BMERB1: variants seen among roughly 807,000 people sequenced by gnomAD.
BMERB1 encodes the protein bMERB domain containing 1.
BMERB1 carries 12 observed loss-of-function variants against 23.6 expected under a neutral mutation model. The observed-to-expected ratio is 0.51, with a 90% CI of 0.33 to 0.82. The LOEUF is 0.82. Among genes scored for constraint, BMERB1 ranks in the 40% least tolerant of loss-of-function variants. The pLI is 0.03. For missense variants in BMERB1, 247 were observed against 255.4 expected, an observed-to-expected ratio of 0.97 and a Z score of 0.22; for synonymous variants, 122 against 96.6, an observed-to-expected ratio of 1.26 and a Z score of -1.54.
chr16:15,523,511 C>T (rs1476671628), intron 2 of BMERB1, among the ~76,000 whole-genome samples: 3 of 152,140 alleles, frequency 2.0e-5, no homozygotes, highest in Non-Finnish European at 2.9e-5. Context: ...TTAAAGCGAC[C>T]ATGCCCTTCC....
intron 1 of BMERB1, among the ~76,000 whole-genome samples, chr16:15,513,881 G>A (rs892118852): frequency 4.6e-5 from 7 of 151,764 alleles, no homozygotes; most frequent in South Asian, 2.1e-4. Flanking sequence ...GCAACAGGGC[G>A]AGACTCCGTC....
chr16:15,580,125 C>A (rs910580262), intron 3 of BMERB1, among the ~76,000 whole-genome samples: 5 of 149,620 alleles, frequency 3.3e-5, no homozygotes, highest in African/African-American at 1.2e-4. Context: ...GAGACAGGGT[C>A]TTTCTCTGTT....
chr16:15,458,841 T>C (rs1189569721), intron 1 of BMERB1, among the ~76,000 whole-genome samples: 1 of 151,770 alleles, frequency 6.6e-6, no homozygotes, highest in Non-Finnish European at 1.5e-5. Flanking sequence ...GTGCGGTGGC[T>C]CACGCCTGTA....
intron 1 of BMERB1, chr16:15,502,437 A>G: frequency 7.5e-7 from 1 of 1,338,362 alleles, no homozygotes; most frequent in Non-Finnish European, 1.0e-6. Flanking sequence ...GGAGAAATCG[A>G]GCAGCCAGGA....
At chr16:15,514,955 A>G (rs144669378) in intron 1 of BMERB1, among the ~76,000 whole-genome samples, 2,755 of 152,102 alleles carry the variant, frequency 0.018, 90 homozygotes, top group African/African-American at 0.064. Flanking sequence ...GGTGTCGGGC[A>G]CCTGTAGTCC....
chr16:15,515,230 C>G (rs899996229), intron 1 of BMERB1, 75 bp from the exon 2 acceptor site: 3 of 1,600,758 alleles, frequency 1.9e-6, no homozygotes, highest in Non-Finnish European at 2.6e-6. Flanking sequence ...AGGCTGTGCC[C>G]TGGAACCATG....
chr16:15,574,196 C>T (rs2030802779), intron 3 of BMERB1, among the ~76,000 whole-genome samples: 1 of 152,160 alleles, frequency 6.6e-6, no homozygotes. Context: ...AACTGCCCAA[C>T]CCTTATAAAA....
At chr16:15,439,444 A>G (rs1247842418) in intron 1 of BMERB1, among the ~76,000 whole-genome samples, 2 of 152,206 alleles carry the variant, frequency 1.3e-5, no homozygotes, top group African/African-American at 4.8e-5. Flanking sequence ...AGGAGGACAG[A>G]AGGGGATTGC....
At chr16:15,583,798 G>C (rs1163554188) in intron 5 of BMERB1, among the ~76,000 whole-genome samples, 2 of 152,186 alleles carry the variant, frequency 1.3e-5, no homozygotes, top group African/African-American at 4.8e-5. Context: ...GCCTAGAAGG[G>C]TGCCATGCTT....
At chr16:15,487,397 A>G (rs557579806) in intron 1 of BMERB1, among the ~76,000 whole-genome samples, 1 of 152,306 alleles carries the variant, frequency 6.6e-6, no homozygotes, top group South Asian at 2.1e-4. Flanking sequence ...TCTTAGAATT[A>G]CAGTATCTTT....
chr16:15,443,251 T>TC (rs1160062761), intron 1 of BMERB1, among the ~76,000 whole-genome samples: 3 of 98,954 alleles, frequency 3.0e-5, no homozygotes, highest in Non-Finnish European at 7.1e-5. Flanking sequence ...TGAGACCCTG[T>TC]CTCAAAAAAA....
At chr16:15,511,376 G>T (rs144117985) in intron 1 of BMERB1, among the ~76,000 whole-genome samples, 1 of 151,944 alleles carries the variant, frequency 6.6e-6, no homozygotes, top group Non-Finnish European at 1.5e-5. Flanking sequence ...TTCGGGACCC[G>T]CCATCTTTAG....
intron 2 of BMERB1, among the ~76,000 whole-genome samples, chr16:15,567,148 G>A (rs956188045): frequency 2.6e-5 from 4 of 151,416 alleles, no homozygotes; most frequent in Admixed American, 6.6e-5. Context: ...CTATGATCAC[G>A]CCACTGCACT....
At chr16:15,446,524 C>T (rs2050991495) in intron 1 of BMERB1, among the ~76,000 whole-genome samples, 1 of 152,206 alleles carries the variant, frequency 6.6e-6, no homozygotes, top group South Asian at 2.1e-4. Flanking sequence ...ACAATATAGC[C>T]ATCTATTGCA....
chr16:15,460,999 C>T (rs1375979963), intron 1 of BMERB1, among the ~76,000 whole-genome samples: 2 of 151,972 alleles, frequency 1.3e-5, no homozygotes, highest in African/African-American at 2.4e-5. Flanking sequence ...GTGGCACATG[C>T]CGGTAGTCCC....
At chr16:15,543,056 C>T (rs892064940) in intron 2 of BMERB1, among the ~76,000 whole-genome samples, 1 of 152,116 alleles carries the variant, frequency 6.6e-6, no homozygotes, top group Non-Finnish European at 1.5e-5. Context: ...AATCAGGTCA[C>T]ATGGACTTGA....
intron 1 of BMERB1, among the ~76,000 whole-genome samples, chr16:15,471,878 C>G (rs977442950): frequency 1.3e-5 from 2 of 152,142 alleles, no homozygotes; most frequent in African/African-American, 4.8e-5. Flanking sequence ...GCACCCAGCC[C>G]TCTTTCTTCA....
Position 15,532,527 on chromosome 16 carries a change from CT to C in BMERB1, c.230+17109del, listed in dbSNP as rs898052124. ...ACAGGCTTGAGCCACTATGCCCGGCCTTTTTTTTTTCTTTTTCTTTTTTTTT... is the reference window on the plus strand; with the variant it reads ...ACAGGCTTGAGCCACTATGCCCGGCCTTTTTTTTTCTTTTTCTTTTTTTTT... On this transcript the variant is annotated intron_variant, in intron 2 of 5. Coordinates refer to ENST00000300006, the MANE Select transcript of BMERB1 (RefSeq NM_033201.3). Among the ~76,000 whole-genome samples the C allele has an allele frequency of 2.0e-4, 28 of 137,922 alleles. 1 individual carries two copies. The East Asian group carries it at 3.8e-3, about 19-fold the overall frequency. The allele number at this position is 137,922 out of a possible 152,430, so 90.5% of individuals were successfully genotyped here.
chr16:15,562,140 C>CAA (rs929337612), intron 2 of BMERB1, among the ~76,000 whole-genome samples: 2 of 135,680 alleles, frequency 1.5e-5, no homozygotes, highest in African/African-American at 5.4e-5. Context: ...AAATCTCGTC[C>CAA]AAAAAAAAAA....
Sources: allele counts gnomAD v4.1 joint callset (sites outside exome capture counted in the v4.1 genomes callset), GRCh38; gene constraint gnomAD v4.1.1; transcripts MANE v1.5; gene names NCBI Gene and HGNC (gene_info 2026-07-23, HGNC 2026-07-21).